SPMIP2: variants seen among roughly 807,000 people sequenced by gnomAD.
SPMIP2 encodes the protein sperm microtubule inner protein 2, also known as protein SPMIP2.
the SPMIP2 span, among the ~76,000 whole-genome samples, chr4:158,973,518 T>C: frequency 0.33 from 50,313 of 151,996 alleles, 8,550 homozygotes; most frequent in South Asian, 0.44. Context: ...TTAATTAATG[T>C]TTATTAATAA....
chr4:159,063,550 A>AAAATAAATAAAT, the SPMIP2 span, among the ~76,000 whole-genome samples: 1,952 of 148,632 alleles, frequency 0.013, 41 homozygotes, highest in African/African-American at 0.044. Context: ...ATCCTGTCTC[A>AAAATAAATAAAT]AAATAAATAA....
chr4:159,033,792 A>C, the SPMIP2 span, among the ~76,000 whole-genome samples: 1 of 152,208 alleles, frequency 6.6e-6, no homozygotes, highest in East Asian at 1.9e-4. Context: ...TGCCCACCAT[A>C]AATATGCATT....
At chr4:159,042,668 T>G in the SPMIP2 span, among the ~76,000 whole-genome samples, 2 of 152,240 alleles carry the variant, frequency 1.3e-5, no homozygotes, top group African/African-American at 4.8e-5. Flanking sequence ...TTTTATTTTG[T>G]TTTTGTTTTT....
chr4:158,910,281 C>CT, the SPMIP2 span, among the ~76,000 whole-genome samples: 53 of 148,120 alleles, frequency 3.6e-4, no homozygotes, highest in East Asian at 3.4e-3. Flanking sequence ...TTTTTTTTTC[C>CT]TTTTTTTTTG....
the SPMIP2 span, among the ~76,000 whole-genome samples, chr4:158,939,816 G>A: frequency 6.7e-6 from 1 of 148,546 alleles, no homozygotes. Context: ...TCCAGCCTGG[G>A]TGACAGAGCA....
the SPMIP2 span, among the ~76,000 whole-genome samples, chr4:158,927,120 G>T: frequency 6.6e-6 from 1 of 152,160 alleles, no homozygotes; most frequent in Admixed American, 6.5e-5. Flanking sequence ...GGGCTCTGTT[G>T]TTAGGTACAC....
At chr4:158,991,541 T>G in the SPMIP2 span, among the ~76,000 whole-genome samples, 21 of 152,288 alleles carry the variant, frequency 1.4e-4, no homozygotes, top group African/African-American at 4.8e-4. Flanking sequence ...CAGAAACAAT[T>G]TTAGCAGGTG....
At chr4:158,918,977 G>T in the SPMIP2 span, among the ~76,000 whole-genome samples, 1 of 152,164 alleles carries the variant, frequency 6.6e-6, no homozygotes, top group South Asian at 2.1e-4. Context: ...AGGCCCCTTA[G>T]GGTCAGATAC....
the SPMIP2 span, among the ~76,000 whole-genome samples, chr4:158,998,740 G>T: frequency 1.7e-4 from 26 of 152,214 alleles, no homozygotes; most frequent in African/African-American, 6.0e-4. Context: ...AAAGAGCTGA[G>T]AGGTATGCAT....
chr4:159,069,947 G>A, the SPMIP2 span, among the ~76,000 whole-genome samples: 12 of 152,016 alleles, frequency 7.9e-5, no homozygotes, highest in African/African-American at 2.7e-4. Context: ...TGCATATTTA[G>A]TGCCACAGAG....
chr4:158,915,937 A>T, the SPMIP2 span, among the ~76,000 whole-genome samples: 1 of 152,208 alleles, frequency 6.6e-6, no homozygotes, highest in South Asian at 2.1e-4. Flanking sequence ...CAGGATTGTA[A>T]GGGTAGGGAT....
chr4:158,953,636 C>G, the SPMIP2 span, among the ~76,000 whole-genome samples: 48 of 152,286 alleles, frequency 3.2e-4, no homozygotes, highest in African/African-American at 1.2e-3. Flanking sequence ...ACAGCTTGCA[C>G]CATTTGCCTG....
the SPMIP2 span, among the ~76,000 whole-genome samples, chr4:158,923,715 C>A: frequency 6.6e-6 from 1 of 152,146 alleles, no homozygotes; most frequent in African/African-American, 2.4e-5. Context: ...TGTCTTCTAT[C>A]TAAGTGCCCT....
At chr4:159,003,891 A>G in the SPMIP2 span, among the ~76,000 whole-genome samples, 102 of 152,344 alleles carry the variant, frequency 6.7e-4, no homozygotes, top group Admixed American at 1.4e-3. Context: ...GTGAATGCTG[A>G]TAGGGACAAG....
the SPMIP2 span, chr4:158,973,149 TC>T: frequency 6.2e-7 from 1 of 1,612,694 alleles, no homozygotes; most frequent in African/African-American, 1.3e-5. Context: ...CCAACCAATT[TC>T]ACTGACGTAC....
the SPMIP2 span, among the ~76,000 whole-genome samples, chr4:159,003,408 T>C: frequency 5.3e-5 from 8 of 152,214 alleles, no homozygotes; most frequent in Non-Finnish European, 5.9e-5. Context: ...AGGTATTGTA[T>C]GTAGCATATG....
At chr4:158,931,967 T>C in the SPMIP2 span, among the ~76,000 whole-genome samples, 1 of 152,142 alleles carries the variant, frequency 6.6e-6, no homozygotes, top group African/African-American at 2.4e-5. Flanking sequence ...CCTTTAGTGC[T>C]TTGAACATAT....
the SPMIP2 span, among the ~76,000 whole-genome samples, chr4:158,963,165 A>AC: frequency 3.9e-5 from 6 of 152,218 alleles, no homozygotes; most frequent in Non-Finnish European, 7.4e-5. Context: ...GCAGGAAAAT[A>AC]TAGTAGAGAG....
the SPMIP2 span, among the ~76,000 whole-genome samples, chr4:158,986,317 G>T: frequency 6.6e-6 from 1 of 151,932 alleles, no homozygotes; most frequent in Admixed American, 6.6e-5. Flanking sequence ...AAAAGAGCCC[G>T]CATTGCCAAG....
Sources: allele counts gnomAD v4.1 joint callset (sites outside exome capture counted in the v4.1 genomes callset), GRCh38; gene constraint gnomAD v4.1.1; transcripts MANE v1.5; gene names NCBI Gene and HGNC (gene_info 2026-07-23, HGNC 2026-07-21).